Variants in WDHD1 observed in about 807,000 individuals in gnomAD.
WDHD1 encodes WD repeat and HMG-box DNA-binding protein 1.
In WDHD1, 111 loss-of-function variants were observed where a neutral mutation model predicts 135.4. The observed-to-expected ratio is 0.82, with a 90% confidence interval of 0.70 to 0.96. The LOEUF (loss-of-function observed/expected upper bound fraction) is 0.96, where lower values mean the gene tolerates loss of function less well. Among genes scored for constraint, WDHD1 ranks in the 40% least tolerant of loss-of-function variants. The pLI, the probability that WDHD1 is intolerant of heterozygous loss-of-function variation, is 0.00. For missense variants in WDHD1, 1,351 were observed against 1,336.3 expected, an observed-to-expected ratio of 1.01 and a Z score of -0.17; for synonymous variants, 434 against 439.0, an observed-to-expected ratio of 0.99 and a Z score of 0.14.
chr14:54,987,462 G>A lies in WDHD1; in HGVS notation c.1527-75C>T. On this transcript the variant is annotated intron_variant, in intron 13 of 25. Coordinates refer to ENST00000360586, the MANE Select transcript of WDHD1 (RefSeq NM_007086.4). Reference sequence around the variant, plus strand: ...CATATATATATATATAAGCAATCATGATATTCAACAAAAAAACCAAATAGT... The same window carrying A: ...CATATATATATATATAAGCAATCATAATATTCAACAAAAAAACCAAATAGT... 2.4e-6 allele frequency: 3 copies of A among 1,250,316 alleles called. 1 individual carries two copies. Among genetic ancestry groups the A allele is most frequent in the South Asian group, 3.7e-5 (2 of 54,340 alleles). 77.5% of individuals were successfully genotyped at this position (1,250,316 alleles called of 1,614,324 possible).
intron 16 of WDHD1, among the ~76,000 whole-genome samples, chr14:54,976,457 G>A (rs529728437): frequency 1.3e-5 from 2 of 152,204 alleles, no homozygotes; most frequent in African/African-American, 4.8e-5. Flanking sequence ...TTGGCCTCCC[G>A]ATGTGTTGGG....
chr14:54,956,749 AACT>A (rs2041165475), intron 23 of WDHD1, among the ~76,000 whole-genome samples: 2 of 152,132 alleles, frequency 1.3e-5, no homozygotes, highest in Non-Finnish European at 2.9e-5. Flanking sequence ...CAAAAAACAC[AACT>A]GTTTTGGGGT....
chr14:54,954,248 T>G (rs776350326), intron 24 of WDHD1, among the ~76,000 whole-genome samples: 1 of 152,046 alleles, frequency 6.6e-6, no homozygotes, highest in Non-Finnish European at 1.5e-5. Context: ...ATCGTGCCAA[T>G]GCACTCCAGC....
At chr14:55,006,189 A>G (rs2042066202) in intron 7 of WDHD1, among the ~76,000 whole-genome samples, 1 of 152,178 alleles carries the variant, frequency 6.6e-6, no homozygotes, top group African/African-American at 2.4e-5. Flanking sequence ...GAATGTTATC[A>G]AAACTATAGA....
At chr14:54,994,967 T>G in intron 11 of WDHD1, among the ~76,000 whole-genome samples, 1 of 152,040 alleles carries the variant, frequency 6.6e-6, no homozygotes, top group East Asian at 1.9e-4. Context: ...CGATAGATAT[T>G]TATTAATTTT....
chr14:54,995,476 C>CTA, intron 11 of WDHD1, 127 bp downstream of exon 11: 1 of 637,386 alleles, frequency 1.6e-6, no homozygotes, highest in Non-Finnish European at 2.4e-6. Context: ...TCATTTAATG[C>CTA]TATAAAATTT....
chr14:54,971,712 C>CA (rs1195129802), intron 16 of WDHD1, among the ~76,000 whole-genome samples: 9,717 of 41,778 alleles, frequency 0.23, 1,658 homozygotes, highest in African/African-American at 0.34. Context: ...GACTCTGCCT[C>CA]AAAAAAAAAA....
At chr14:54,995,574 TA>T in intron 11 of WDHD1, 28 bp downstream of exon 11, 1 of 1,515,014 alleles carries the variant, frequency 6.6e-7, no homozygotes, top group Non-Finnish European at 8.9e-7. Flanking sequence ...ATCAACAGGG[TA>T]ATCACATGCA....
At chr14:54,985,223 A>C (rs566790925) in intron 14 of WDHD1, among the ~76,000 whole-genome samples, 11 of 152,342 alleles carry the variant, frequency 7.2e-5, no homozygotes, top group Admixed American at 3.3e-4. Context: ...AAGAACAAAA[A>C]AATTATCACA....
chr14:54,948,841 G>A (rs538784700), intron 24 of WDHD1, among the ~76,000 whole-genome samples: 74 of 152,278 alleles, frequency 4.9e-4, no homozygotes, highest in African/African-American at 1.7e-3. Context: ...AACATTTGCT[G>A]TTCACCAATA....
intron 21 of WDHD1, among the ~76,000 whole-genome samples, chr14:54,957,886 T>C (rs1391224285): frequency 6.6e-6 from 1 of 152,244 alleles, no homozygotes; most frequent in Non-Finnish European, 1.5e-5. Context: ...CTTCTGTTAC[T>C]GCGGAAGAGT....
At chr14:55,026,932 CACCAGCGGG>C in intron 1 of WDHD1, 87 bp downstream of exon 1, 1 of 804,550 alleles carries the variant, frequency 1.2e-6, no homozygotes. Context: ...ACCCGAGTGA[CACCAGCGGG>C]ATAAGGCAGA....
At chr14:55,021,902 C>T (rs959434633) in intron 2 of WDHD1, among the ~76,000 whole-genome samples, 1 of 152,212 alleles carries the variant, frequency 6.6e-6, no homozygotes, top group African/African-American at 2.4e-5. Context: ...ATGATGGCAT[C>T]TTCAATGGTA....
intron 15 of WDHD1, among the ~76,000 whole-genome samples, chr14:54,983,859 A>G (rs969029580): frequency 5.9e-5 from 9 of 152,150 alleles, no homozygotes; most frequent in African/African-American, 2.2e-4. Flanking sequence ...GATGAAGTTA[A>G]TGTTAATAAT....
At chr14:54,966,355 CAA>C in intron 18 of WDHD1, 118 bp downstream of exon 18, 1 of 1,195,024 alleles carries the variant, frequency 8.4e-7, no homozygotes, top group Non-Finnish European at 1.1e-6. Flanking sequence ...ACAACAACAA[CAA>C]AAAAAAACTT....
At chr14:55,000,150 T>C (rs1180948029) in intron 10 of WDHD1, among the ~76,000 whole-genome samples, 1 of 152,146 alleles carries the variant, frequency 6.6e-6, no homozygotes, top group Non-Finnish European at 1.5e-5. Flanking sequence ...AGTTGCTCAG[T>C]AAAGCTGTTT....
chr14:54,941,313 T>G lies in WDHD1; in HGVS notation c.*177A>C. ...GCAGAGTAATCTGCAAAGATGATAG[T>G]TTTTACATATGTCCTGTTACCTACA... On this transcript the variant is annotated 3_prime_UTR_variant, in exon 26 of 26. Coordinates refer to ENST00000360586, the MANE Select transcript of WDHD1 (RefSeq NM_007086.4). 1 of 482,082 alleles carries G rather than the reference T, an allele frequency of 2.1e-6. No individual in the cohort carries two copies. Among genetic ancestry groups the G allele is most frequent in the Admixed American group, 3.9e-5 (1 of 25,964 alleles). 29.9% of individuals were successfully genotyped at this position (482,082 alleles called of 1,614,324 possible).
intron 16 of WDHD1, among the ~76,000 whole-genome samples, chr14:54,970,205 CAAGT>C (rs2041408485): frequency 6.6e-6 from 1 of 152,112 alleles, no homozygotes; most frequent in Non-Finnish European, 1.5e-5. Context: ...CCAGAACAAT[CAAGT>C]AAGATACCAA....
In WDHD1 at chr14:54,972,553, C is replaced by CAAAAAAAAAAAAAAAAAAA. The variant is rs71410642; in HGVS notation, c.2064-5178_2064-5160dup. Among the ~76,000 whole-genome samples, 32 of 25,498 alleles carry CAAAAAAAAAAAAAAAAAAA rather than the reference C, an allele frequency of 1.3e-3. 5 individuals are homozygous for CAAAAAAAAAAAAAAAAAAA. The highest frequency in any genetic ancestry group is 2.1e-3 in the South Asian group (1 of 484). The allele number at this position is 25,498 out of a possible 152,430, so 16.7% of individuals were successfully genotyped here. On this transcript the variant is annotated intron_variant, in intron 16 of 25. Transcript: ENST00000360586. ...CCTGGGCAATAAAGCAAGACTGTCA[C>CAAAAAAAAAAAAAAAAAAA]AAAAAAAAAAAAAAAAAAAAAAAAA...
Sources: gnomAD v4.1 joint callset for allele counts (sites outside exome capture counted in the v4.1 genomes callset) on GRCh38, gnomAD v4.1.1 for gene constraint, MANE v1.5 for transcripts, NCBI Gene and HGNC (gene_info 2026-07-23, HGNC 2026-07-21) for gene names.